Variants in TSC22D1 observed in about 807,000 individuals in gnomAD.
TSC22D1 encodes TSC22 domain family protein 1.
In TSC22D1, 9 loss-of-function variants were observed where a neutral mutation model predicts 74.2. The ratio of observed to expected loss-of-function variants is 0.12; its 90% CI spans 0.07 to 0.21. The LOEUF (loss-of-function observed/expected upper bound fraction) is 0.21, where lower values mean the gene tolerates loss of function less well. Ranked by LOEUF, TSC22D1 falls within the 10% of genes least tolerant of loss-of-function variation. The probability of loss-of-function intolerance (pLI) is 1.00; values close to 1 mark genes in which losing one functional copy is unlikely to be tolerated. For missense variants in TSC22D1, 1,427 were observed against 1,304.7 expected (o/e 1.09, Z -1.44); for synonymous variants, 586 against 492.5 (o/e 1.19, Z -2.51).
chr13:44,571,826 T>C (rs886088267), intron 1 of TSC22D1, among the ~76,000 whole-genome samples: 1 of 152,162 alleles, frequency 6.6e-6, no homozygotes, highest in Non-Finnish European at 1.5e-5. Flanking sequence ...ACCTGACTAT[T>C]AGAAAAATAA....
At chr13:44,486,004 T>C (rs766519204) in intron 1 of TSC22D1, among the ~76,000 whole-genome samples, 5 of 151,940 alleles carry the variant, frequency 3.3e-5, no homozygotes, top group Non-Finnish European at 7.4e-5. Flanking sequence ...GGAACATTAA[T>C]ACATAGCTCC....
At chr13:44,456,159 A>G (rs1051083249) in intron 1 of TSC22D1, among the ~76,000 whole-genome samples, 3 of 152,226 alleles carry the variant, frequency 2.0e-5, no homozygotes, top group African/African-American at 4.8e-5. Flanking sequence ...AGCTCAGCTC[A>G]TAAAGGTAGT....
At chr13:44,551,388 G>GC (rs1566169486) in intron 1 of TSC22D1, among the ~76,000 whole-genome samples, 1 of 114,140 alleles carries the variant, frequency 8.8e-6, no homozygotes, top group Admixed American at 8.6e-5. Flanking sequence ...CCAATCAGAT[G>GC]GGTGTGTGTG....
At chr13:44,441,076 A>G (rs1391514620) in intron 1 of TSC22D1, among the ~76,000 whole-genome samples, 2 of 152,206 alleles carry the variant, frequency 1.3e-5, no homozygotes, top group African/African-American at 4.8e-5. Flanking sequence ...AAATCAAGAA[A>G]AAAGGCAGGC....
chr13:44,435,756 A>C, intron 2 of TSC22D1: 1 of 478,670 alleles, frequency 2.1e-6, no homozygotes, highest in Non-Finnish European at 3.8e-6. Context: ...ATAGTTGGCC[A>C]GCGCTTCCCT....
At position 44,565,609 on chromosome 13, in the gene TSC22D1, G is replaced by A. The variant is rs546884072; in HGVS notation, c.2912+7554C>T. Among the ~76,000 whole-genome samples, 12 of 152,228 alleles carry A rather than the reference G, an allele frequency of 7.9e-5. No homozygotes were observed. In the East Asian group the frequency reaches 9.6e-4, roughly 12 times the overall value. On this transcript the variant is annotated intron_variant, in intron 1 of 2. Coordinates refer to ENST00000458659, the MANE Select transcript of TSC22D1 (RefSeq NM_183422.4). ...AGCCAATAAAGCATGTTCTTACCAT[G>A]ACATTTTCAACCTTAACAAAAGTGA...
intron 1 of TSC22D1, among the ~76,000 whole-genome samples, chr13:44,438,689 T>C (rs564571522): frequency 4.6e-5 from 7 of 152,090 alleles, no homozygotes; most frequent in Non-Finnish European, 1.0e-4. Context: ...ACTCATATGA[T>C]GCTTTAAAAA....
intron 1 of TSC22D1, among the ~76,000 whole-genome samples, chr13:44,481,154 G>C (rs1372738972): frequency 6.6e-6 from 1 of 152,190 alleles, no homozygotes; most frequent in Non-Finnish European, 1.5e-5. Flanking sequence ...AGAACTTCAG[G>C]AAGTAACAGG....
At chr13:44,496,732 G>C (rs1370990837) in intron 1 of TSC22D1, among the ~76,000 whole-genome samples, 2 of 151,812 alleles carry the variant, frequency 1.3e-5, no homozygotes, top group Non-Finnish European at 2.9e-5. Flanking sequence ...GGGCATAGTG[G>C]TATACACCTG....
intron 1 of TSC22D1, among the ~76,000 whole-genome samples, chr13:44,567,841 C>T (rs922088152): frequency 5.3e-5 from 8 of 152,118 alleles, no homozygotes; most frequent in African/African-American, 1.9e-4. Flanking sequence ...TGAAAGGGTT[C>T]ACCAAGTACT....
chr13:44,508,858 C>T (rs1290156720), intron 1 of TSC22D1, among the ~76,000 whole-genome samples: 1 of 152,124 alleles, frequency 6.6e-6, no homozygotes, highest in African/African-American at 2.4e-5. Context: ...TCAGCCAATA[C>T]ACACAGTCAG....
chr13:44,451,849 C>T (rs112717120), intron 1 of TSC22D1, among the ~76,000 whole-genome samples: 40 of 152,270 alleles, frequency 2.6e-4, no homozygotes, highest in African/African-American at 9.1e-4. Context: ...ACTGCATGCC[C>T]GTATCTATCC....
At position 44,573,490 on chromosome 13, in the gene TSC22D1, G is replaced by T; in HGVS notation, c.2585C>A (p.Ala862Asp). ...VPPQNIAQTP[A>D]TQNGNLVQSV... ...TTGAACCAAATTACCATTTTGGGTA[G>T]CAGGGGTTTGTGCTATATTTTGTGG... is the stretch of plus-strand genomic sequence containing the variant. The change falls in exon 1 of 3, where the codon GCT becomes GAT. Residue 862 changes from alanine (A) to aspartate (D), a missense_variant. Around this residue, in one of 3 missense-constraint regions of TSC22D1, gnomAD observed 1,343 missense variants for 1,191.5 expected, o/e 1.13. Coordinates refer to ENST00000458659, the MANE Select transcript of TSC22D1 (RefSeq NM_183422.4). The T allele has an allele frequency of 1.2e-6, 2 of 1,614,260 alleles. No individual in the cohort carries two copies. Among genetic ancestry groups the T allele is most frequent in the South Asian group, 2.2e-5 (2 of 91,086 alleles).
intron 1 of TSC22D1, among the ~76,000 whole-genome samples, chr13:44,516,593 A>G (rs561006165): frequency 7.9e-5 from 12 of 151,922 alleles, no homozygotes; most frequent in South Asian, 2.1e-4. Context: ...TTATGGGGGG[A>G]AAAAAAAGCA....
chr13:44,478,017 TTAAAG>T (rs1878003986), intron 1 of TSC22D1, among the ~76,000 whole-genome samples: 1 of 151,756 alleles, frequency 6.6e-6, no homozygotes, highest in African/African-American at 2.4e-5. Flanking sequence ...TAACACTATT[TTAAAG>T]TAAAGTCCTT....
Position 44,573,265 on chromosome 13 carries a change from G to C in TSC22D1, c.2810C>G (p.Ala937Gly). Residue 937 changes from alanine to glycine, a missense_variant, in exon 1 of 3, where the codon GCA becomes GGA. Physicochemically the swap from Ala to Gly is moderately conservative, Grantham distance 60. Transcript: ENST00000458659. The stretch of plus-strand genomic sequence containing the variant: ...GCTGCTGCTACTCCCATCTGAAACT[G>C]CTGACATTCCCCCACTGTCACCACT... ...TISGDSGGMS[A>G]VSDGSSSSLA... The C allele has an allele frequency of 6.2e-7, 1 of 1,614,212 alleles. No homozygotes were observed. Among genetic ancestry groups the C allele is most frequent in the Non-Finnish European group, 8.5e-7 (1 of 1,180,044 alleles).
intron 1 of TSC22D1, among the ~76,000 whole-genome samples, chr13:44,542,175 T>C (rs1202472856): frequency 2.0e-5 from 3 of 152,018 alleles, no homozygotes; most frequent in African/African-American, 4.8e-5. Context: ...AACTTTCCAA[T>C]AGTTTTCCTT....
chr13:44,548,399 A>G (rs1323637353), intron 1 of TSC22D1, among the ~76,000 whole-genome samples: 1 of 152,214 alleles, frequency 6.6e-6, no homozygotes, highest in Non-Finnish European at 1.5e-5. Context: ...TGACAGAGTG[A>G]GACTCCATCT....
At chr13:44,494,001 A>C (rs1470382918) in intron 1 of TSC22D1, among the ~76,000 whole-genome samples, 2 of 151,954 alleles carry the variant, frequency 1.3e-5, no homozygotes, top group Non-Finnish European at 2.9e-5. Flanking sequence ...GAGGGTGAGG[A>C]GGGAAGATTG....
Sources: gnomAD v4.1 joint callset for allele counts (sites outside exome capture counted in the v4.1 genomes callset) on GRCh38, gnomAD v4.1.1 for gene constraint, gnomAD v4.1.1 regional missense constraint, MANE v1.5 for transcripts, NCBI Gene and HGNC (gene_info 2026-07-23, HGNC 2026-07-21) for gene names.